Variants in DISC1 observed in about 807,000 individuals in gnomAD.
DISC1 encodes DISC1 scaffold protein.
A neutral mutation model predicts 84.5 loss-of-function variants in DISC1; 57 were observed. The observed-to-expected ratio is 0.67, with a 90% CI of 0.55 to 0.84. DISC1 has a LOEUF of 0.84. Among genes scored for constraint, DISC1 ranks in the 40% least tolerant of loss-of-function variants. The pLI, the probability that DISC1 is intolerant of heterozygous loss-of-function variation, is 0.00. For missense variants in DISC1, 1,000 were observed against 1,057.8 expected (o/e 0.95, Z 0.76); for synonymous variants, 411 against 415.2 (o/e 0.99, Z 0.12).
At chr1:231,825,966 C>A (rs905074240) in intron 9 of DISC1, among the ~76,000 whole-genome samples, 2 of 152,192 alleles carry the variant, frequency 1.3e-5, no homozygotes, top group African/African-American at 4.8e-5. Context: ...AGATGAGCTA[C>A]AGCTATTGTG....
chr1:231,950,311 T>C (rs1658129755), intron 9 of DISC1, among the ~76,000 whole-genome samples: 1 of 151,546 alleles, frequency 6.6e-6, no homozygotes, highest in Non-Finnish European at 1.5e-5. Context: ...ATATTCTCAG[T>C]TGCATACTAC....
In DISC1 at chr1:231,694,104, G is replaced by A. The variant is rs2065366528; in HGVS notation, c.346G>A (p.Ala116Thr). 1 of 1,614,208 alleles carries A rather than the reference G, an allele frequency of 6.2e-7. No homozygotes were observed. Among genetic ancestry groups the A allele is most frequent in the Non-Finnish European group, 8.5e-7 (1 of 1,180,030 alleles). Residue 116 changes from alanine to threonine, a missense_variant, in exon 2 of 13, where the codon GCG becomes ACG. By Grantham distance (58) the Ala-to-Thr change is moderately conservative. Transcript: ENST00000439617. ...TGTGACCTCTGTGAGAGGAACCTCG[G>A]CGCACTTTGGGATTCAGCTCAGAGG... Reference protein sequence around the residue: ...PTVTSVRGTSAHFGIQLRGGT... With the variant: ...PTVTSVRGTSTHFGIQLRGGT...
At chr1:231,947,271 G>A (rs912004777) in intron 9 of DISC1, among the ~76,000 whole-genome samples, 4 of 149,468 alleles carry the variant, frequency 2.7e-5, no homozygotes, top group African/African-American at 9.7e-5. Flanking sequence ...ATAGACCAAT[G>A]GAGCAGAACA....
chr1:231,638,464 G>A (rs942216849), intron 1 of DISC1, among the ~76,000 whole-genome samples: 1 of 152,084 alleles, frequency 6.6e-6, no homozygotes, highest in African/African-American at 2.4e-5. Context: ...TATGTTTATA[G>A]TTTTGGGTCT....
chr1:231,967,679 A>T (rs1346811194), intron 10 of DISC1, among the ~76,000 whole-genome samples: 1 of 152,220 alleles, frequency 6.6e-6, no homozygotes, highest in Non-Finnish European at 1.5e-5. Context: ...AATGATTTAC[A>T]TTACCTTATC....
chr1:231,715,104 T>C (rs1204141340), intron 3 of DISC1, among the ~76,000 whole-genome samples: 1 of 152,228 alleles, frequency 6.6e-6, no homozygotes, highest in Non-Finnish European at 1.5e-5. Context: ...GGTTAGGTGC[T>C]GACTCCTTGG....
At chr1:231,722,692 G>A in intron 3 of DISC1, 1 of 1,589,858 alleles carries the variant, frequency 6.3e-7, no homozygotes. Flanking sequence ...AAGAAAAAGA[G>A]GACCCACGTG....
chr1:231,816,522 T>G (rs2125743446), intron 8 of DISC1, among the ~76,000 whole-genome samples: 1 of 152,362 alleles, frequency 6.6e-6, no homozygotes, highest in African/African-American at 2.4e-5. Context: ...ATTTTTTTTT[T>G]GTAGAAGCTT....
chr1:231,955,686 C>CA (rs761800389), intron 9 of DISC1, among the ~76,000 whole-genome samples: 2 of 152,002 alleles, frequency 1.3e-5, no homozygotes, highest in African/African-American at 2.4e-5. Flanking sequence ...GACGGGGTTT[C>CA]ACCATGTTGG....
Position 231,768,604 on chromosome 1 carries a change from T to A in DISC1, c.1398+1335T>A, listed in dbSNP as rs1176885307. Among the ~76,000 whole-genome samples the A allele has an allele frequency of 5.3e-5, 8 of 152,314 alleles. No homozygotes were observed. In the East Asian group the frequency reaches 1.3e-3, roughly 26 times the overall value. ...CCTGGGCACTTAGTGTTTGAAGCAC[T>A]CTGGGAAAGGTACTTGAATATTCAT... On this transcript the variant is annotated intron_variant, in intron 5 of 12. Transcript: ENST00000439617.
intron 3 of DISC1, among the ~76,000 whole-genome samples, chr1:231,726,386 C>G (rs1326893151): frequency 6.6e-6 from 1 of 152,022 alleles, no homozygotes; most frequent in African/African-American, 2.4e-5. Context: ...GCCTTGTAAA[C>G]CTGAGTTTCT....
At chr1:231,681,462 C>CAAA (rs947700292) in intron 1 of DISC1, among the ~76,000 whole-genome samples, 1 of 151,434 alleles carries the variant, frequency 6.6e-6, no homozygotes, top group East Asian at 1.9e-4. Flanking sequence ...TTCATCAGTA[C>CAAA]AAAAAAAAGC....
chr1:232,014,669 C>G (rs1289509544), intron 11 of DISC1, among the ~76,000 whole-genome samples: 1 of 152,208 alleles, frequency 6.6e-6, no homozygotes, highest in Non-Finnish European at 1.5e-5. Flanking sequence ...CCAAGTATTT[C>G]TGTTTGTAGA....
In DISC1 at chr1:232,037,873, T is replaced by A. The variant is rs1670618982; in HGVS notation, c.*1042T>A. Reference sequence around the variant, plus strand: ...AGTTAGGCAGTGCAGTACTCAGGAATGCAGCACAGTACTCAGGCAGTGCAA... The same window carrying A: ...AGTTAGGCAGTGCAGTACTCAGGAAAGCAGCACAGTACTCAGGCAGTGCAA... On this transcript the variant is annotated 3_prime_UTR_variant, in exon 13 of 13. Coordinates refer to ENST00000439617, the MANE Select transcript of DISC1 (RefSeq NM_018662.3). 6.6e-6 allele frequency: 1 copy of A among 151,570 alleles called. No homozygotes were observed. The highest frequency in any genetic ancestry group is 1.5e-5 in the Non-Finnish European group (1 of 68,248). 9.4% of individuals were successfully genotyped at this position (151,570 alleles called of 1,614,324 possible).
chr1:231,822,661 C>T (rs1039071004), intron 9 of DISC1, among the ~76,000 whole-genome samples: 2 of 152,148 alleles, frequency 1.3e-5, no homozygotes, highest in African/African-American at 2.4e-5. Flanking sequence ...AGTCCATCTG[C>T]GTTGCTATAG....
At position 231,818,535 on chromosome 1, in the gene DISC1, G is replaced by A. The variant is rs781283061; in HGVS notation, c.1981+18G>A. 121 of 1,613,688 alleles carry A rather than the reference G, an allele frequency of 7.5e-5. No individual in the cohort carries two copies. Among genetic ancestry groups the A allele is most frequent in the Non-Finnish European group, 1.0e-4 (118 of 1,179,838 alleles). The stretch of plus-strand genomic sequence containing the variant: ...TGCCTATGGTAGGTAGTGCACAACT[G>A]TTCCCCGGCAAGATATTGATGATAT... On this transcript the variant is annotated intron_variant, in intron 9 of 12. Transcript: ENST00000439617.
intron 1 of DISC1, among the ~76,000 whole-genome samples, chr1:231,680,411 C>T (rs201646543): frequency 2.5e-4 from 38 of 151,414 alleles, no homozygotes; most frequent in South Asian, 1.7e-3. Flanking sequence ...TCAGCACCTG[C>T]CCCCGTGCAT....
intron 1 of DISC1, among the ~76,000 whole-genome samples, chr1:231,643,541 C>T (rs1441550158): frequency 6.6e-6 from 1 of 152,144 alleles, no homozygotes; most frequent in South Asian, 2.1e-4. Context: ...GAATTGACTG[C>T]GGTCAGATGT....
At chr1:231,688,719 C>T (rs531471873) in intron 1 of DISC1, among the ~76,000 whole-genome samples, 2 of 152,162 alleles carry the variant, frequency 1.3e-5, no homozygotes, top group African/African-American at 2.4e-5. Context: ...TGACTGACAT[C>T]CCTTCCTAAA....
Sources: allele counts gnomAD v4.1 joint callset (sites outside exome capture counted in the v4.1 genomes callset), GRCh38; gene constraint gnomAD v4.1.1; transcripts MANE v1.5; gene names NCBI Gene and HGNC (gene_info 2026-07-23, HGNC 2026-07-21).